Variants in ERCC5 observed in about 807,000 individuals in gnomAD.
ERCC5 encodes ERCC excision repair 5, endonuclease, also known as DNA excision repair protein ERCC-5.
ERCC5 carries 68 observed loss-of-function variants against 105.6 expected under a neutral mutation model. That is an observed-to-expected ratio of 0.64 (90% CI 0.53 to 0.79). The LOEUF (loss-of-function observed/expected upper bound fraction) is 0.79. Among genes scored for constraint, ERCC5 ranks in the 30% least tolerant of loss-of-function variants. The pLI is 0.00. For synonymous variants in ERCC5, 546 were observed against 526.2 expected (o/e 1.04, Z -0.51); for missense variants, 1,373 against 1,426.7 (o/e 0.96, Z 0.61).
intron 12 of ERCC5, among the ~76,000 whole-genome samples, chr13:102,869,730 C>T (rs1408775864): frequency 6.6e-6 from 1 of 152,068 alleles, no homozygotes; most frequent in Admixed American, 6.5e-5. Context: ...ATTTGAGTGT[C>T]CTTAATCTTC....
At chr13:102,863,131 T>C in intron 8 of ERCC5, 28 bp downstream of exon 8, 1 of 1,605,416 alleles carries the variant, frequency 6.2e-7, no homozygotes, top group Non-Finnish European at 8.5e-7. Context: ...TGTAGAAATC[T>C]GGAACGGTAG....
intron 5 of ERCC5, among the ~76,000 whole-genome samples, chr13:102,857,363 T>G (rs1201228847): frequency 6.6e-6 from 1 of 151,994 alleles, no homozygotes; most frequent in Non-Finnish European, 1.5e-5. Context: ...AAGGCTTTAT[T>G]TTTTTTTGTA....
intron 12 of ERCC5, among the ~76,000 whole-genome samples, chr13:102,871,417 T>C (rs1052734253): frequency 6.6e-6 from 1 of 152,094 alleles, no homozygotes; most frequent in East Asian, 1.9e-4. Flanking sequence ...GAATAAAATA[T>C]AAAGAAGAAA....
At chr13:102,850,289 A>AC (rs1882157792) in intron 1 of ERCC5, among the ~76,000 whole-genome samples, 1 of 151,984 alleles carries the variant, frequency 6.6e-6, no homozygotes, top group African/African-American at 2.4e-5. Context: ...TGAGGAGGGG[A>AC]CCCCTGGACT....
chr13:102,863,070 A>T lies in ERCC5; in HGVS notation c.1921A>T (p.Met641Leu). The T allele has an allele frequency of 6.2e-7, 1 of 1,614,070 alleles. No homozygotes were observed. Among genetic ancestry groups the T allele is most frequent in the Non-Finnish European group, 8.5e-7 (1 of 1,180,020 alleles). The change falls in exon 8 of 15, where the codon ATG (methionine) becomes TTG (leucine). Residue 641 changes from methionine to leucine, a missense_variant. By Grantham distance (15) the Met-to-Leu change is conservative. Coordinates refer to ENST00000652225, the MANE Select transcript of ERCC5 (RefSeq NM_000123.4). ...TTCCATTCCAAAGGCCGTGGAACCA[A>T]TGGAAATTGACTCGGAAGAAAGTGA... ...LISIPKAVEP[M>L]EIDSEESESD...
chr13:102,858,933 C>T (rs1355616967), intron 6 of ERCC5: 8 of 455,930 alleles, frequency 1.8e-5, no homozygotes, highest in Non-Finnish European at 3.5e-5. Context: ...CTGCTGCAGC[C>T]CTAGAGATGC....
chr13:102,847,297 A>ATTT lies in ERCC5; in HGVS notation c.88+957_88+959dup, dbSNP rs35223521. Among the ~76,000 whole-genome samples, 518 of 139,480 alleles carry ATTT rather than the reference A, an allele frequency of 3.7e-3. 4 individuals are homozygous for ATTT. The highest frequency in any genetic ancestry group is 0.011 in the African/African-American group (399 of 37,948). 91.5% of individuals were successfully genotyped at this position (139,480 alleles called of 152,430 possible). A position where few individuals can be genotyped will look rare whatever the true frequency, so the allele number is the denominator to read the frequency against. On this transcript the variant is annotated intron_variant, in intron 1 of 14. Coordinates refer to ENST00000652225, the MANE Select transcript of ERCC5 (RefSeq NM_000123.4). Reference sequence around the variant, plus strand: ...TTATCTTTTTCTTTGTTATGTAGTCATTTTTTTTTTTTTTTTGAGTATCTA... The same window carrying ATTT: ...TTATCTTTTTCTTTGTTATGTAGTCATTTTTTTTTTTTTTTTTTTGAGTATCTA...
chr13:102,853,672 C>T, intron 2 of ERCC5, 85 bp from the exon 3 acceptor site: 1 of 1,429,366 alleles, frequency 7.0e-7, no homozygotes, highest in Non-Finnish European at 9.7e-7. Context: ...CTCAGACAAA[C>T]CAAATTCTCT....
chr13:102,872,724 C>T (rs1361785542), intron 13 of ERCC5, among the ~76,000 whole-genome samples: 3 of 152,116 alleles, frequency 2.0e-5, no homozygotes, highest in Admixed American at 6.6e-5. Flanking sequence ...TGCATCTGGC[C>T]CCTCTCCTTA....
chr13:102,863,206 A>T, intron 8 of ERCC5, 103 bp downstream of exon 8: 1 of 1,287,758 alleles, frequency 7.8e-7, no homozygotes, highest in Non-Finnish European at 1.1e-6. Context: ...TTTACAGATA[A>T]GGAACGAGAG....
chr13:102,858,513 C>A, intron 6 of ERCC5, 95 bp downstream of exon 6: 2 of 1,537,556 alleles, frequency 1.3e-6, no homozygotes, highest in Non-Finnish European at 1.8e-6. Flanking sequence ...AATACTTACA[C>A]GATATCTCAG....
Position 102,875,628 on chromosome 13 carries a change from T to A in ERCC5, c.3286T>A (p.Ser1096Thr). 1 of 1,613,960 alleles carries A rather than the reference T, an allele frequency of 6.2e-7. No individual in the cohort carries two copies. Among genetic ancestry groups the A allele is most frequent in the Non-Finnish European group, 8.5e-7 (1 of 1,179,918 alleles). ...GFLGETCLSESSDGSSSEDAE... is the reference protein window; with the variant it reads ...GFLGETCLSETSDGSSSEDAE... ...TTTGGGGGAGACCTGCCTCTCAGAA[T>A]CATCTGATGGATCTTCAAGTGAAGA... Residue 1096 changes from serine to threonine, a missense_variant, in exon 15 of 15, where the codon TCA (serine) becomes ACA (threonine). Physicochemically the swap from Ser to Thr is moderately conservative, Grantham distance 58. This residue lies in a region of ERCC5 where 367 missense variants were observed against 350.2 expected (regional missense o/e 1.05). Coordinates refer to ENST00000652225, the MANE Select transcript of ERCC5 (RefSeq NM_000123.4).
At chr13:102,864,181 T>A (rs1056717178) in intron 8 of ERCC5, among the ~76,000 whole-genome samples, 17 of 146,762 alleles carry the variant, frequency 1.2e-4, no homozygotes, top group Non-Finnish European at 2.4e-4. Flanking sequence ...GTTCCTGGTA[T>A]CTGCTAGTTT....
chr13:102,850,755 C>T lies in ERCC5; in HGVS notation c.89-1363C>T, dbSNP rs114543901. On this transcript the variant is annotated intron_variant, in intron 1 of 14. Coordinates refer to ENST00000652225, the MANE Select transcript of ERCC5 (RefSeq NM_000123.4). ...ATGTCTATGAGGTATGGGGTAGAGACGTCATCTGGGCTCTCTGTTCTGGGG... is the reference window on the plus strand; with the variant it reads ...ATGTCTATGAGGTATGGGGTAGAGATGTCATCTGGGCTCTCTGTTCTGGGG... Among the ~76,000 whole-genome samples, 541 of 152,134 alleles carry T rather than the reference C, an allele frequency of 3.6e-3. 2 individuals are homozygous for T. The highest frequency in any genetic ancestry group is 0.012 in the African/African-American group (511 of 41,502).
Position 102,866,392 on chromosome 13 carries a change from G to A in ERCC5, c.2319+11G>A, listed in dbSNP as rs202176033. 3 of 1,614,118 alleles carry A rather than the reference G, an allele frequency of 1.9e-6. No individual in the cohort carries two copies. In the African/African-American group the frequency reaches 4.0e-5, roughly 22 times the overall value. On this transcript the variant is annotated intron_variant, in intron 10 of 14. Coordinates refer to ENST00000652225, the MANE Select transcript of ERCC5 (RefSeq NM_000123.4). ...TTCCTGGAAAGCCAGGTGGGTGCAG[G>A]CAGCTTGGGTTTCCTTTACCACCTT...
Position 102,862,817 on chromosome 13 carries a change from C to T in ERCC5, c.1668C>T (p.Phe556=), listed in dbSNP as rs768206337. ...QNELCPYESK[F]DSSLLSSDDE... is the part of the protein sequence containing the mutation. ...AACTTTGCCCATATGAGAGTAAATT[C>T]GATTCTTCTCTTCTTTCAAGTGATG... The change falls in exon 8 of 15, where the codon TTC becomes TTT. Residue 556 remains phenylalanine (F), a synonymous_variant. Coordinates refer to ENST00000652225, the MANE Select transcript of ERCC5 (RefSeq NM_000123.4). 14 of 1,614,168 alleles carry T rather than the reference C, an allele frequency of 8.7e-6. No individual in the cohort carries two copies. Among genetic ancestry groups the T allele is most frequent in the African/African-American group, 6.7e-5 (5 of 75,038 alleles).
At position 102,873,238 on chromosome 13, in the gene ERCC5, A is replaced by G. The variant is rs553137914; in HGVS notation, c.2880-21A>G. 1,051 of 1,613,984 alleles carry G rather than the reference A, an allele frequency of 6.5e-4. 14 individuals are homozygous for G. The South Asian group carries it at 0.011, about 17-fold the overall frequency. On this transcript the variant is annotated intron_variant, in intron 13 of 14. Coordinates refer to ENST00000652225, the MANE Select transcript of ERCC5 (RefSeq NM_000123.4). ...TGTTTAAATATCTTTCAAAATATTT[A>G]TAAGTCTTAACTGCATGCATATTTT... is the stretch of plus-strand genomic sequence containing the variant.
intron 3 of ERCC5, 115 bp from the exon 4 acceptor site, chr13:102,854,173 C>T (rs546472953): frequency 1.7e-6 from 2 of 1,148,582 alleles, no homozygotes; most frequent in African/African-American, 1.5e-5. Context: ...TCCTTCCTTT[C>T]TCTCGGCTGC....
intron 12 of ERCC5, 51 bp from the exon 13 acceptor site, chr13:102,872,147 G>C: frequency 6.3e-7 from 1 of 1,589,732 alleles, no homozygotes; most frequent in South Asian, 1.1e-5. Flanking sequence ...CATAGTGTAT[G>C]AACTATAATG....
Sources: gnomAD v4.1 joint callset for allele counts (sites outside exome capture counted in the v4.1 genomes callset) on GRCh38, gnomAD v4.1.1 for gene constraint, gnomAD v4.1.1 regional missense constraint, MANE v1.5 for transcripts, NCBI Gene and HGNC (gene_info 2026-07-23, HGNC 2026-07-21) for gene names.